Variants in KDM5D observed in about 807,000 individuals in gnomAD.
The protein encoded by KDM5D is lysine-specific demethylase 5D.
In KDM5D, 25 loss-of-function variants were observed where a neutral mutation model predicts 31.9. The observed-to-expected ratio is 0.78, with a 90% CI of 0.57 to 1.09. The LOEUF (loss-of-function observed/expected upper bound fraction) is 1.09, where lower values mean the gene tolerates loss of function less well. KDM5D is among the 50% of genes least tolerant of loss of function. The pLI is 0.00. For synonymous variants in KDM5D, 146 were observed against 122.3 expected (o/e 1.19, Z -1.28); for missense variants, 366 against 341.6 (o/e 1.07, Z -0.56).
At chrY:19,737,606 C>A (rs2045519143) in intron 6 of KDM5D, among the ~76,000 whole-genome samples, 1 of 33,328 alleles carries the variant, frequency 3.0e-5, no homozygotes, top group South Asian at 6.6e-4. Flanking sequence ...CCATTAAATA[C>A]TTTTTAAAAG....
At chrY:19,723,078 G>A (rs2045406302) in intron 11 of KDM5D, among the ~76,000 whole-genome samples, 1 of 32,576 alleles carries the variant, frequency 3.1e-5, no homozygotes, top group Non-Finnish European at 7.5e-5. Flanking sequence ...AATATGAAGC[G>A]ACAGTAACCA....
In KDM5D at chrY:19,707,752, A is replaced by G. The variant is rs1257422196; in HGVS notation, c.3400-6T>C. 5.0e-6 allele frequency: 2 copies of G among 396,514 alleles called. No individual in the cohort carries two copies. Among genetic ancestry groups the G allele is most frequent in the Non-Finnish European group, 3.5e-6 (1 of 282,489 alleles). On this transcript the variant is annotated splice_polypyrimidine_tract_variant and splice_region_variant and intron_variant, in intron 23 of 26. Coordinates refer to ENST00000317961, the MANE Select transcript of KDM5D (RefSeq NM_004653.5). ...CCTTCCTTGAAGGCCACAATCTGCC[A>G]TATCCAGAAGAGGGGGAAAGTAGGT...
intron 21 of KDM5D, 109 bp downstream of exon 21, chrY:19,708,766 T>C: frequency 4.0e-6 from 1 of 248,627 alleles, no homozygotes; most frequent in Non-Finnish European, 6.3e-6. Context: ...TCCTCCAACT[T>C]CCCACCTTCA....
rs1432418814 is a variant in KDM5D, at chrY:19,706,205, T to C, written c.4410A>G (p.Ser1470=). The C allele has an allele frequency of 2.8e-5, 11 of 394,681 alleles. No homozygotes were observed. Among genetic ancestry groups the C allele is most frequent in the Non-Finnish European group, 3.9e-5 (11 of 281,387 alleles). The part of the protein sequence containing the change: ...QELQSKRARS[S]GIMSQVGREE... The stretch of plus-strand genomic sequence containing the variant: ...CTCGGCCCACCTGAGACATAATCCC[T>C]GAGCTCCGAGCCCTTTTTGACTGAA... The change falls in exon 27 of 27, where the codon TCA becomes TCG. Residue 1470 remains serine (S), a synonymous_variant. Coordinates refer to ENST00000317961, the MANE Select transcript of KDM5D (RefSeq NM_004653.5).
intron 18 of KDM5D, 25 bp downstream of exon 18, chrY:19,715,327 T>C: frequency 2.5e-6 from 1 of 393,147 alleles, no homozygotes; most frequent in Non-Finnish European, 3.6e-6. Context: ...ACTGACACCC[T>C]TCTTTGCCTT....
chrY:19,710,249 C>A (rs1603545732), intron 19 of KDM5D, 127 bp downstream of exon 19: 2 of 374,220 alleles, frequency 5.3e-6, no homozygotes. Context: ...TCCGCCACTT[C>A]CAGGAAAGAA....
intron 6 of KDM5D, among the ~76,000 whole-genome samples, chrY:19,738,476 C>T (rs1603546044): frequency 6.0e-5 from 2 of 33,534 alleles, no homozygotes; most frequent in Admixed American, 5.4e-4. Flanking sequence ...CACAGCATTG[C>T]CTTATTTAAG....
At chrY:19,739,427 A>G (rs2124218854) in intron 6 of KDM5D, 101 bp downstream of exon 6, 2 of 199,564 alleles carry the variant, frequency 1.0e-5, no homozygotes, top group South Asian at 4.3e-5. Context: ...TGAACCAGAC[A>G]TATGTAAAAC....
intron 18 of KDM5D, 22 bp downstream of exon 18, chrY:19,715,330 T>C: frequency 2.5e-6 from 1 of 395,128 alleles, no homozygotes; most frequent in Admixed American, 7.4e-5. Context: ...GACACCCTTC[T>C]TTGCCTTCTC....
Position 19,708,996 on chromosome Y carries a change from G to T in KDM5D, c.2960C>A (p.Ala987Asp). 2.5e-6 allele frequency: 1 copy of T among 397,622 alleles called. No homozygotes were observed. The highest frequency in any genetic ancestry group is 3.0e-5 in the South Asian group (1 of 33,735). Reference protein sequence around the residue: ...CLEARQKHPPATLEAIIRETE... With the variant: ...CLEARQKHPPDTLEAIIRETE... ...CTCACGAATTATGGCTTCCAATGTG[G>T]CTGGTGGATGCTTCTGCCTAAATTT... Residue 987 changes from alanine to aspartate, a missense_variant, in exon 21 of 27, where the codon GCC (alanine) becomes GAC (aspartate). Transcript: ENST00000317961.
chrY:19,743,751 G>C, intron 2 of KDM5D, among the ~76,000 whole-genome samples: 2 of 34,012 alleles, frequency 5.9e-5, no homozygotes, highest in African/African-American at 2.3e-4. Flanking sequence ...GAAAAAAGCT[G>C]TATGCTCTGC....
At chrY:19,740,295 G>A in intron 5 of KDM5D, among the ~76,000 whole-genome samples, 1 of 33,579 alleles carries the variant, frequency 3.0e-5, no homozygotes, top group African/African-American at 1.2e-4. Flanking sequence ...CTGGCCAGTC[G>A]TGGTGGCTCA....
chrY:19,707,893 C>T, intron 23 of KDM5D, 41 bp downstream of exon 23: 1 of 395,572 alleles, frequency 2.5e-6, no homozygotes, highest in African/African-American at 6.2e-5. Context: ...CAGAGAGAAA[C>T]CCAGAACCCA....
In KDM5D at chrY:19,735,709, T is replaced by C; in HGVS notation, c.699A>G (p.Leu233=). 2.5e-6 allele frequency: 1 copy of C among 397,658 alleles called. No individual in the cohort carries two copies. The highest frequency in any genetic ancestry group is 3.0e-5 in the South Asian group (1 of 33,790). Reference sequence around the variant, plus strand: ...CTGGCCCATATATCTGTAACTTCTTTAGCTCTGGATGCTTCTCAATGTCCT... The same window carrying C: ...CTGGCCCATATATCTGTAACTTCTTCAGCTCTGGATGCTTCTCAATGTCCT... ...TEEDIEKHPE[L]KKLQIYGPGP... The change falls in exon 7 of 27, where the codon CTA becomes CTG. Residue 233 remains leucine, a synonymous_variant. Transcript: ENST00000317961.
intron 15 of KDM5D, 113 bp downstream of exon 15, chrY:19,716,166 T>C: frequency 4.0e-6 from 1 of 251,755 alleles, no homozygotes; most frequent in Non-Finnish European, 6.5e-6. Context: ...GTCTTTACAT[T>C]TCAAAATGCA....
At chrY:19,710,753 A>G in intron 18 of KDM5D, 1 of 98,641 alleles carries the variant, frequency 1.0e-5, no homozygotes, top group Non-Finnish European at 2.1e-5. Flanking sequence ...CCACGGTACT[A>G]CCTGGCTAGT....
chrY:19,710,251 A>G, intron 19 of KDM5D, 125 bp downstream of exon 19: 2 of 374,373 alleles, frequency 5.3e-6, no homozygotes, highest in Non-Finnish European at 7.5e-6. Flanking sequence ...CGCCACTTCC[A>G]GGAAAGAACC....
chrY:19,719,859 G>A (rs1033653812), intron 13 of KDM5D, among the ~76,000 whole-genome samples: 5 of 32,981 alleles, frequency 1.5e-4, no homozygotes, highest in Admixed American at 1.1e-3. Flanking sequence ...TAGAAATAAC[G>A]GAGGCCAGAA....
chrY:19,730,806 T>C, intron 11 of KDM5D, among the ~76,000 whole-genome samples: 1 of 33,546 alleles, frequency 3.0e-5, no homozygotes, highest in African/African-American at 1.2e-4. Context: ...CTGAATATTA[T>C]AGGCCATGTA....
Sources: gnomAD v4.1 joint callset for allele counts (sites outside exome capture counted in the v4.1 genomes callset) on GRCh38, gnomAD v4.1.1 for gene constraint, MANE v1.5 for transcripts, NCBI Gene and HGNC (gene_info 2026-07-23, HGNC 2026-07-21) for gene names.